Variants in ASIC2 observed in about 807,000 individuals in gnomAD.
ASIC2 encodes acid sensing ion channel subunit 2, also known as acid-sensing ion channel 2.
A neutral mutation model predicts 57.3 loss-of-function variants in ASIC2; 25 were observed. That is an observed-to-expected ratio of 0.44 (90% CI 0.32 to 0.61). ASIC2 has a LOEUF of 0.61. ASIC2 is among the 20% of genes least tolerant of loss of function. ASIC2 has a pLI of 0.06. For missense variants in ASIC2, 641 were observed against 738.1 expected (o/e 0.87, Z 1.52); for synonymous variants, 319 against 307.5 (o/e 1.04, Z -0.39).
intron 1 of ASIC2, among the ~76,000 whole-genome samples, chr17:33,703,983 G>A (rs772499714): frequency 7.9e-5 from 12 of 152,044 alleles, no homozygotes; most frequent in Admixed American, 3.3e-4. Context: ...TTTCCCACTC[G>A]CTTTTCTATT....
chr17:33,877,028 A>G (rs915747690), intron 1 of ASIC2, among the ~76,000 whole-genome samples: 6 of 152,220 alleles, frequency 3.9e-5, no homozygotes, highest in African/African-American at 1.4e-4. Flanking sequence ...AACAATTACA[A>G]TAGGTAATAG....
At chr17:33,126,004 C>A (rs895038025) in intron 1 of ASIC2, among the ~76,000 whole-genome samples, 4 of 152,170 alleles carry the variant, frequency 2.6e-5, no homozygotes, top group Middle Eastern at 3.2e-3. Context: ...TTAAATTTTG[C>A]GTCTTAGTCC....
chr17:33,159,044 T>G (rs1315732741), intron 1 of ASIC2, among the ~76,000 whole-genome samples: 1 of 152,244 alleles, frequency 6.6e-6, no homozygotes, highest in Non-Finnish European at 1.5e-5. Context: ...ACTGGGGATG[T>G]GCGTGGTTAC....
At chr17:33,428,125 A>T (rs1265852740) in intron 1 of ASIC2, among the ~76,000 whole-genome samples, 1 of 152,226 alleles carries the variant, frequency 6.6e-6, no homozygotes. Context: ...CTACCTAGCT[A>T]CACCATTCTC....
intron 1 of ASIC2, chr17:33,794,821 A>G (rs1420540594): frequency 6.6e-6 from 1 of 152,184 alleles, no homozygotes; most frequent in Non-Finnish European, 1.5e-5. Flanking sequence ...ATCGAGATCA[A>G]AATGACCAGC....
At position 33,525,164 on chromosome 17, in the gene ASIC2, T is replaced by A. The variant is rs115950459; in HGVS notation, c.556-413097A>T. Among the ~76,000 whole-genome samples, 1,490 of 152,296 alleles carry A rather than the reference T, an allele frequency of 9.8e-3. 26 individuals are homozygous for A. Among genetic ancestry groups the A allele is most frequent in the African/African-American group, 0.034 (1,428 of 41,564 alleles). On this transcript the variant is annotated intron_variant, in intron 1 of 9. Coordinates refer to the ASIC2 transcript ENST00000359872. ...AGTCCTGTAGTCAGCCTCAGTCATG[T>A]GCATGGAACAGGAGGGCATGCTGGC...
chr17:33,255,325 C>G (rs1909027326), intron 1 of ASIC2, among the ~76,000 whole-genome samples: 1 of 151,924 alleles, frequency 6.6e-6, no homozygotes, highest in Non-Finnish European at 1.5e-5. Context: ...TAGGTGTGAG[C>G]CACCATGCCT....
At chr17:33,988,218 G>A (rs772184350) in intron 1 of ASIC2, among the ~76,000 whole-genome samples, 1 of 152,304 alleles carries the variant, frequency 6.6e-6, no homozygotes, top group East Asian at 1.9e-4. Context: ...TAAAATACAA[G>A]GCACTTTCCA....
intron 3 of ASIC2, among the ~76,000 whole-genome samples, chr17:33,039,666 C>G (rs1356881431): frequency 6.6e-6 from 1 of 152,190 alleles, no homozygotes; most frequent in Middle Eastern, 3.2e-3. Flanking sequence ...TAAAATGCAG[C>G]CCCTTGTTAA....
chr17:34,151,186 C>T (rs1904513040), intron 1 of ASIC2, among the ~76,000 whole-genome samples: 1 of 151,378 alleles, frequency 6.6e-6, no homozygotes, highest in African/African-American at 2.4e-5. Flanking sequence ...CCAGGAACAG[C>T]AAGTAACTAT....
At chr17:33,445,607 G>A (rs1314483109) in intron 1 of ASIC2, among the ~76,000 whole-genome samples, 1 of 151,908 alleles carries the variant, frequency 6.6e-6, no homozygotes, top group South Asian at 2.1e-4. Context: ...AGACCAGCCT[G>A]ACCAACATGG....
intron 1 of ASIC2, among the ~76,000 whole-genome samples, chr17:34,126,354 T>C (rs139790911): frequency 3.9e-5 from 6 of 152,330 alleles, no homozygotes; most frequent in Non-Finnish European, 8.8e-5. Context: ...CCAAGCCTCA[T>C]TATCCCACAG....
intron 1 of ASIC2, among the ~76,000 whole-genome samples, chr17:34,085,105 C>T (rs1910057063): frequency 6.6e-6 from 1 of 152,168 alleles, no homozygotes; most frequent in Admixed American, 6.5e-5. Flanking sequence ...GAGGGCATCC[C>T]CGTCTTGTGC....
chr17:33,570,776 T>C (rs1012098279), intron 1 of ASIC2, among the ~76,000 whole-genome samples: 9 of 152,078 alleles, frequency 5.9e-5, no homozygotes, highest in Admixed American at 5.2e-4. Flanking sequence ...TGGGGTGAAG[T>C]GACTGGAATG....
intron 1 of ASIC2, among the ~76,000 whole-genome samples, chr17:33,518,229 A>T (rs1005785441): frequency 1.2e-4 from 18 of 152,236 alleles, no homozygotes; most frequent in Middle Eastern, 3.2e-3. Flanking sequence ...GAAACCTAAG[A>T]GTAAGCTCTA....
chr17:33,902,921 C>T (rs561498291), intron 1 of ASIC2, among the ~76,000 whole-genome samples: 66 of 152,174 alleles, frequency 4.3e-4, no homozygotes, highest in Non-Finnish European at 7.2e-4. Context: ...AGCATTCTGT[C>T]ACTTTCTGCA....
At chr17:33,370,403 C>T (rs1055982629) in intron 1 of ASIC2, among the ~76,000 whole-genome samples, 2 of 152,220 alleles carry the variant, frequency 1.3e-5, no homozygotes, top group South Asian at 2.1e-4. Flanking sequence ...TAGCCTAGAA[C>T]ATGTGTATTC....
chr17:33,879,719 A>G (rs549442528), intron 1 of ASIC2, among the ~76,000 whole-genome samples: 7 of 152,326 alleles, frequency 4.6e-5, no homozygotes, highest in African/African-American at 1.7e-4. Flanking sequence ...TAACAAGGAT[A>G]TCCAGGAATT....
In ASIC2 at chr17:34,069,301, CCTTCCTTCCTTT is replaced by C. The variant is rs1469388090; in HGVS notation, c.555+86665_555+86676del. On this transcript the variant is annotated intron_variant, in intron 1 of 9. Coordinates refer to the ASIC2 transcript ENST00000359872. ...TTCCTTCTTCCTTTCTTTCCTTCTT[CCTTCCTTCCTTT>C]CTTCCTTTCCTCTCTTTCTTTTTCT... 4.4e-5 allele frequency: 4 copies of C among 90,732 alleles called. No homozygotes were observed. The East Asian group carries it at 9.7e-4, about 22-fold the overall frequency. The allele number at this position is 90,732 out of a possible 1,614,324, so 5.6% of individuals were successfully genotyped here.
Sources: allele counts gnomAD v4.1 joint callset (sites outside exome capture counted in the v4.1 genomes callset), GRCh38; gene constraint gnomAD v4.1.1; transcripts MANE v1.5; gene names NCBI Gene and HGNC (gene_info 2026-07-23, HGNC 2026-07-21).